The following DMD variants were observed in gnomAD, a reference collection of about 807,000 sequenced individuals.
DMD encodes dystrophin, also known as mutant dystrophin.
In DMD, 63 loss-of-function variants were observed where a neutral mutation model predicts 330.1. That is an observed-to-expected ratio of 0.19 (90% CI 0.16 to 0.24). DMD has a LOEUF of 0.24. Ranked by LOEUF, DMD falls within the 10% of genes least tolerant of loss-of-function variation. The pLI is 1.00. For missense variants in DMD, 3,344 were observed against 2,684.1 expected, an observed-to-expected ratio of 1.25 and a Z score of -5.43; for synonymous variants, 1,223 against 959.8, an observed-to-expected ratio of 1.27 and a Z score of -5.07.
rs1310983718 is a variant in DMD at position 32,545,172 on chromosome X, C to G, written c.2155G>C (p.Glu719Gln). 26 of 1,210,589 alleles carry G rather than the reference C, an allele frequency of 2.1e-5. No individual in the cohort carries two copies. Among genetic ancestry groups the G allele is most frequent in the Non-Finnish European group, 2.9e-5 (26 of 894,656 alleles). Residue 719 changes from glutamate to glutamine, a missense_variant, in exon 17 of 79, where the codon GAA becomes CAA. Glu to Gln is a conservative substitution (Grantham distance 29). Transcript: ENST00000357033. ...AGATGCTCTCACCTTTTCCTAATTT[C>G]AGAATCCACAGTAATCTGCCTCTTC... The part of the protein sequence containing the change: ...QKKRQITVDS[E>Q]IRKRLDVDIT...
chrX:31,552,439 C>G (rs2074542665), intron 55 of DMD, among the ~76,000 whole-genome samples: 2 of 111,947 alleles, frequency 1.8e-5, no homozygotes, highest in Non-Finnish European at 3.8e-5. Flanking sequence ...TCCCAAAGCA[C>G]TGGGATTACA....
At chrX:33,199,062 C>T (rs1282850654) in intron 1 of DMD, among the ~76,000 whole-genome samples, 1 of 110,941 alleles carries the variant, frequency 9.0e-6, no homozygotes, top group Non-Finnish European at 1.9e-5. Context: ...AGTGTCTAGA[C>T]TTTGATTTTT....
intron 44 of DMD, among the ~76,000 whole-genome samples, chrX:32,105,641 T>C (rs2096561008): frequency 8.9e-6 from 1 of 112,058 alleles, no homozygotes; most frequent in African/African-American, 3.2e-5. Flanking sequence ...AATAATCACC[T>C]GATCTCTTCA....
chrX:32,882,644 G>C (rs1023230589), intron 2 of DMD, among the ~76,000 whole-genome samples: 4 of 112,206 alleles, frequency 3.6e-5, no homozygotes, highest in Non-Finnish European at 5.6e-5. Flanking sequence ...ATCCATATGT[G>C]CATTCTTTCT....
chrX:31,313,037 A>C (rs1299003631), intron 62 of DMD, among the ~76,000 whole-genome samples: 2 of 107,432 alleles, frequency 1.9e-5, no homozygotes, highest in Non-Finnish European at 3.8e-5. Flanking sequence ...CCTATGTAAC[A>C]AACCTGCACG....
intron 56 of DMD, among the ~76,000 whole-genome samples, chrX:31,498,244 A>C (rs2070067616): frequency 8.9e-6 from 1 of 112,313 alleles, no homozygotes; most frequent in Non-Finnish European, 1.9e-5. Context: ...TTGATAAAAC[A>C]AAACAGAAAC....
In DMD at chrX:31,988,787, GTC is replaced by G. The variant is rs754549321; in HGVS notation, c.6439-20275_6439-20274del. On this transcript the variant is annotated intron_variant, in intron 44 of 78. Coordinates refer to ENST00000357033, the MANE Select transcript of DMD (RefSeq NM_004006.3). ...TTCTTGTGCTCTCATTTCTCTCTCT[GTC>G]TCTCTCTCTCTCTCTCTCGAAACCA... Among the ~76,000 whole-genome samples the G allele has an allele frequency of 8.9e-3, 946 of 106,054 alleles. 6 individuals are homozygous for G. The highest frequency in any genetic ancestry group is 0.02 in the Middle Eastern group (4 of 201). 92.1% of individuals were successfully genotyped at this position (106,054 alleles called of 115,157 possible).
chrX:32,165,834 C>G, intron 44 of DMD, among the ~76,000 whole-genome samples: 1 of 110,917 alleles, frequency 9.0e-6, no homozygotes, highest in Admixed American at 9.5e-5. Context: ...TTGGCTTCCC[C>G]CATGCTGTTC....
chrX:32,715,122 G>T (rs761348035), intron 7 of DMD, among the ~76,000 whole-genome samples: 1 of 110,891 alleles, frequency 9.0e-6, no homozygotes, highest in Admixed American at 9.6e-5. Flanking sequence ...CCCCCAACCT[G>T]GTAACCACTG....
chrX:32,777,255 G>GT (rs1439623072), intron 7 of DMD, among the ~76,000 whole-genome samples: 3 of 79,673 alleles, frequency 3.8e-5, no homozygotes, highest in Non-Finnish European at 7.3e-5. Flanking sequence ...GAAGTTCCTA[G>GT]TTTTTAAGTT....
At chrX:32,854,029 T>C (rs2081352168) in intron 2 of DMD, among the ~76,000 whole-genome samples, 1 of 111,590 alleles carries the variant, frequency 9.0e-6, no homozygotes, top group African/African-American at 3.3e-5. Flanking sequence ...ATATACCAAT[T>C]GTAAATATAT....
chrX:33,230,800 T>C (rs2148881485), intron 1 of DMD, among the ~76,000 whole-genome samples: 1 of 111,181 alleles, frequency 9.0e-6, no homozygotes, highest in Non-Finnish European at 1.9e-5. Flanking sequence ...TCACAGCCAC[T>C]TAACCAACGT....
At chrX:32,885,601 G>A (rs2084441907) in intron 2 of DMD, among the ~76,000 whole-genome samples, 1 of 111,156 alleles carries the variant, frequency 9.0e-6, no homozygotes, top group Non-Finnish European at 1.9e-5. Flanking sequence ...CGATTAGCCT[G>A]CTTTTAAAAA....
intron 44 of DMD, among the ~76,000 whole-genome samples, chrX:32,211,676 T>C (rs776775770): frequency 8.9e-6 from 1 of 112,166 alleles, no homozygotes; most frequent in South Asian, 3.7e-4. Flanking sequence ...ATACCACTAC[T>C]GTTAATGTCT....
At chrX:32,614,975 T>TGAG (rs2057448092) in intron 11 of DMD, among the ~76,000 whole-genome samples, 1 of 111,039 alleles carries the variant, frequency 9.0e-6, no homozygotes, top group African/African-American at 3.3e-5. Context: ...CTTCCTCTCT[T>TGAG]GAAGCCTAGA....
intron 1 of DMD, among the ~76,000 whole-genome samples, chrX:33,089,224 C>T (rs1168281128): frequency 2.7e-5 from 3 of 109,586 alleles, no homozygotes; most frequent in African/African-American, 1.0e-4. Context: ...CACCACCACA[C>T]CCAGCTAATT....
chrX:32,127,811 A>G (rs997367985), intron 44 of DMD, among the ~76,000 whole-genome samples: 9 of 112,446 alleles, frequency 8.0e-5, no homozygotes, highest in Non-Finnish European at 1.7e-4. Context: ...CTTTGAAAGT[A>G]TTTCTAATTT....
At chrX:32,360,687 T>A (rs1425938670) in intron 37 of DMD, among the ~76,000 whole-genome samples, 3 of 108,659 alleles carry the variant, frequency 2.8e-5, no homozygotes, top group Non-Finnish European at 5.7e-5. Context: ...CTTGGGAGGC[T>A]GAGGCAGGAG....
intron 47 of DMD, among the ~76,000 whole-genome samples, chrX:31,903,244 T>G: frequency 8.9e-6 from 1 of 111,867 alleles, no homozygotes; most frequent in Non-Finnish European, 1.9e-5. Flanking sequence ...GGTTTTGTAA[T>G]TTGGTGAGTG....
Sources: allele counts gnomAD v4.1 joint callset (sites outside exome capture counted in the v4.1 genomes callset), GRCh38; gene constraint gnomAD v4.1.1; transcripts MANE v1.5; gene names NCBI Gene and HGNC (gene_info 2026-07-23, HGNC 2026-07-21).